The following HIPK4 variants were observed in gnomAD, a reference collection of about 807,000 sequenced individuals.
HIPK4 encodes the protein homeodomain interacting protein kinase 4.
Under a neutral mutation model 44.8 loss-of-function variants are expected in HIPK4, and 26 were observed. The ratio of observed to expected loss-of-function variants is 0.58; its 90% CI spans 0.43 to 0.80. HIPK4 has a LOEUF of 0.80. Ranked by LOEUF, HIPK4 falls within the 30% of genes least tolerant of loss-of-function variation. The pLI, the probability that HIPK4 is intolerant of heterozygous loss-of-function variation, is 0.00. For missense variants in HIPK4, 729 were observed against 862.6 expected (o/e 0.85, Z 1.94); for synonymous variants, 340 against 355.5 (o/e 0.96, Z 0.49).
At chr19:40,382,247 G>C (rs1377505322) in intron 2 of HIPK4, among the ~76,000 whole-genome samples, 3 of 152,038 alleles carry the variant, frequency 2.0e-5, no homozygotes, top group Non-Finnish European at 4.4e-5. Context: ...GGAACTACCG[G>C]TGTGTGCCAC....
At position 40,379,551 on chromosome 19, in the gene HIPK4, C is replaced by T. The variant is rs1057201584; in HGVS notation, c.*36G>A. ...TGGGAGGGAATGCCAGCCCAGCTAG[C>T]GCAGCCCCCAGTGATGGGCAGGGGT... is the stretch of plus-strand genomic sequence containing the variant. On this transcript the variant is annotated 3_prime_UTR_variant, in exon 4 of 4. Coordinates refer to ENST00000291823, the MANE Select transcript of HIPK4 (RefSeq NM_144685.5). 5.4e-6 allele frequency: 8 copies of T among 1,468,678 alleles called. No individual in the cohort carries two copies. Among genetic ancestry groups the T allele is most frequent in the Admixed American group, 2.6e-5 (1 of 38,642 alleles). 91.0% of individuals were successfully genotyped at this position (1,468,678 alleles called of 1,614,324 possible).
At position 40,384,037 on chromosome 19, in the gene HIPK4, GC is replaced by G; in HGVS notation, c.567del (p.Leu190CysfsTer105). 1 of 1,614,008 alleles carries G rather than the reference GC, an allele frequency of 6.2e-7. No individual in the cohort carries two copies. Among genetic ancestry groups the G allele is most frequent in the Non-Finnish European group, 8.5e-7 (1 of 1,179,892 alleles). On this transcript the variant is annotated frameshift_variant, in exon 2 of 4. Coordinates refer to ENST00000291823, the MANE Select transcript of HIPK4 (RefSeq NM_144685.5). LOFTEE classifies it high-confidence loss of function. ...RFYRAPEILL[G>X]LPFCEKVDVW... is the part of the protein sequence containing the mutation. The stretch of plus-strand genomic sequence containing the variant: ...ACGTCCACCTTCTCGCAGAAGGGCA[GC>G]CCCAGCAGGATCTCAGGGGCCCGGT...
chr19:40,380,971 A>T lies in HIPK4; in HGVS notation c.1020T>A (p.Ala340=). 1 of 1,613,016 alleles carries T rather than the reference A, an allele frequency of 6.2e-7. No individual in the cohort carries two copies. Among genetic ancestry groups the T allele is most frequent in the Admixed American group, 1.7e-5 (1 of 60,032 alleles). ...TGGACACGAAGGGGTGGCGCAGGGC[A>T]GCACTGGGGCTGATGCGTTCGTGTG... ...WESHERISPS[A]ALRHPFVSMQ... Residue 340 remains alanine (A), a synonymous_variant, in exon 3 of 4, where the codon GCT becomes GCA. Coordinates refer to ENST00000291823, the MANE Select transcript of HIPK4 (RefSeq NM_144685.5). This position sits in a 1 kb window ranked among gnomAD's most constrained non-coding sequence, Gnocchi z 4.2.
chr19:40,385,683 C>CTTTTTTTTTT (rs142414559), intron 1 of HIPK4, among the ~76,000 whole-genome samples: 517 of 66,960 alleles, frequency 7.7e-3, no homozygotes, highest in Non-Finnish European at 0.011. Flanking sequence ...CTTTTCTTTT[C>CTTTTTTTTTT]TTTTTTTTTT....
intron 1 of HIPK4, among the ~76,000 whole-genome samples, chr19:40,384,612 GT>G (rs71171565): frequency 0.61 from 72,162 of 118,898 alleles, 20,141 homozygotes; most frequent in East Asian, 0.64. Flanking sequence ...GCCTTTGTTG[GT>G]TTTTTTTTTT....
chr19:40,383,958 G>A lies in HIPK4; in HGVS notation c.647C>T (p.Pro216Leu). Residue 216 changes from proline (P) to leucine (L), a missense_variant, in exon 2 of 4, where the codon CCC (proline) becomes CTC (leucine). Physicochemically the swap from Pro to Leu is moderately conservative, Grantham distance 98. Around this residue, in one of 2 missense-constraint regions of HIPK4, gnomAD observed 533 missense variants for 567.5 expected, o/e 0.94. Coordinates refer to ENST00000291823, the MANE Select transcript of HIPK4 (RefSeq NM_144685.5). Reference sequence around the variant, plus strand: ...CACCTGGTCGTACTCGTTGTTGCCGGGGTAGAGAGGCCAGCCCAGGTGCAG... The same window carrying A: ...CACCTGGTCGTACTCGTTGTTGCCGAGGTAGAGAGGCCAGCCCAGGTGCAG... ...AELHLGWPLY[P>L]GNNEYDQVRY... 1 of 1,614,146 alleles carries A rather than the reference G, an allele frequency of 6.2e-7. No homozygotes were observed. The highest frequency in any genetic ancestry group is 1.1e-5 in the South Asian group (1 of 91,082).
intron 1 of HIPK4, among the ~76,000 whole-genome samples, chr19:40,386,735 A>T (rs2079365157): frequency 6.6e-6 from 1 of 152,232 alleles, no homozygotes; most frequent in Non-Finnish European, 1.5e-5. Context: ...CTGTATCCCT[A>T]GATGCCTAGA....
Position 40,380,666 on chromosome 19 carries a change from C to A in HIPK4, c.1325G>T (p.Trp442Leu). The A allele has an allele frequency of 6.2e-7, 1 of 1,614,046 alleles. No homozygotes were observed. The highest frequency in any genetic ancestry group is 1.3e-5 in the African/African-American group (1 of 75,074). Residue 442 changes from tryptophan to leucine, a missense_variant, in exon 3 of 4, where the codon TGG (tryptophan) becomes TTG (leucine). Trp to Leu is a moderately conservative substitution (Grantham distance 61). Coordinates refer to ENST00000291823, the MANE Select transcript of HIPK4 (RefSeq NM_144685.5). The surrounding 1 kb of genome is among the most constrained non-coding windows in gnomAD (Gnocchi z 4.2). ...LSLQEAGHGL[W>L]GETCTNAVSD... Reference sequence around the variant, plus strand: ...GACCGCATTGGTGCAGGTCTCACCCCACAGCCCATGCCCAGCCTCCTGCAG... The same window carrying A: ...GACCGCATTGGTGCAGGTCTCACCCAACAGCCCATGCCCAGCCTCCTGCAG...
rs79984300 is a variant in HIPK4 at position 40,383,085 on chromosome 19, T to C, written c.822+698A>G. Among the ~76,000 whole-genome samples, 953 of 139,026 alleles carry C rather than the reference T, an allele frequency of 6.9e-3. 6 individuals carry two copies. The highest frequency in any genetic ancestry group is 0.013 in the African/African-American group (479 of 37,690). The allele number at this position is 139,026 out of a possible 152,430, so 91.2% of individuals were successfully genotyped here. The stretch of plus-strand genomic sequence containing the variant: ...AAAAATATTTTTCTTTTCTTTCTTT[T>C]TTTTTTTTTTTTTTTGAGACGGAGT... On this transcript the variant is annotated intron_variant, in intron 2 of 3. Coordinates refer to ENST00000291823, the MANE Select transcript of HIPK4 (RefSeq NM_144685.5).
chr19:40,381,784 C>CTTTTTTT (rs55780075), intron 2 of HIPK4, among the ~76,000 whole-genome samples: 21 of 72,326 alleles, frequency 2.9e-4, no homozygotes, highest in Non-Finnish European at 3.4e-4. Flanking sequence ...CACTCAGATC[C>CTTTTTTT]TTTTTTTTTT....
chr19:40,382,773 C>T (rs1231755983), intron 2 of HIPK4, among the ~76,000 whole-genome samples: 3 of 151,772 alleles, frequency 2.0e-5, no homozygotes, highest in South Asian at 2.1e-4. Context: ...TTTGGCCGAG[C>T]GCGGTGGCTC....
In HIPK4 at chr19:40,380,625, G is replaced by A. The variant is rs2079329600; in HGVS notation, c.1366C>T (p.Pro456Ser). ...TGGCCAGTGATGGCTGCCTTGAGGG[G>A]GACCATCATGTCGGAGACCGCATTG... Reference protein sequence around the residue: ...CTNAVSDMMVPLKAAITGHHV... With the variant: ...CTNAVSDMMVSLKAAITGHHV... The change falls in exon 3 of 4, where the codon CCC (proline) becomes TCC (serine). Residue 456 changes from proline to serine, a missense_variant. Physicochemically the swap from Pro to Ser is moderately conservative, Grantham distance 74. Transcript: ENST00000291823. The surrounding 1 kb of genome is among the most constrained non-coding windows in gnomAD (Gnocchi z 4.2). The A allele has an allele frequency of 6.2e-7, 1 of 1,613,638 alleles. No homozygotes were observed. The highest frequency in any genetic ancestry group is 8.5e-7 in the Non-Finnish European group (1 of 1,179,944).
intron 2 of HIPK4, among the ~76,000 whole-genome samples, chr19:40,382,772 G>A (rs1186675945): frequency 6.6e-6 from 1 of 151,634 alleles, no homozygotes; most frequent in East Asian, 1.9e-4. Flanking sequence ...TTTTGGCCGA[G>A]CGCGGTGGCT....
Position 40,383,880 on chromosome 19 carries a change from G to T in HIPK4, c.725C>A (p.Ala242Asp), listed in dbSNP as rs746295654. The stretch of plus-strand genomic sequence containing the variant: ...CTTGAAGAAGTGGTGGGCCTTGCAG[G>T]CGGCGTGCAACAGGTGTGGCTTGGG... ...GLPKPHLLHA[A>D]CKAHHFFKRN... Residue 242 changes from alanine to aspartate, a missense_variant, in exon 2 of 4, where the codon GCC (alanine) becomes GAC (aspartate). By Grantham distance (126) the Ala-to-Asp change is moderately radical. Around this residue, in one of 2 missense-constraint regions of HIPK4, gnomAD observed 533 missense variants for 567.5 expected, o/e 0.94. Coordinates refer to ENST00000291823, the MANE Select transcript of HIPK4 (RefSeq NM_144685.5). 9.9e-6 allele frequency: 16 copies of T among 1,614,076 alleles called. No homozygotes were observed. The highest frequency in any genetic ancestry group is 1.2e-5 in the Non-Finnish European group (14 of 1,180,042).
At chr19:40,384,656 G>C (rs2079355049) in intron 1 of HIPK4, among the ~76,000 whole-genome samples, 1 of 148,966 alleles carries the variant, frequency 6.7e-6, no homozygotes, top group African/African-American at 2.5e-5. Context: ...CTGTCGCCCA[G>C]GCTAAAGTGC....
Position 40,389,504 on chromosome 19 carries a change from G to A in HIPK4, c.399C>T (p.Ile133=). 1 of 1,613,338 alleles carries A rather than the reference G, an allele frequency of 6.2e-7. No individual in the cohort carries two copies. The highest frequency in any genetic ancestry group is 8.5e-7 in the Non-Finnish European group (1 of 1,179,504). ...ALARLKELAI[I]HADLKPENIM... is the part of the protein sequence containing the mutation. ...TGTTCTCAGGCTTGAGATCAGCGTG[G>A]ATGATAGCCAGCTCCTTGAGCCGGG... Residue 133 remains isoleucine, a synonymous_variant, in exon 1 of 4, where the codon ATC becomes ATT. Coordinates refer to ENST00000291823, the MANE Select transcript of HIPK4 (RefSeq NM_144685.5). This position sits in a 1 kb window ranked among gnomAD's most constrained non-coding sequence, Gnocchi z 4.6.
chr19:40,383,064 AT>A (rs2079345070), intron 2 of HIPK4, among the ~76,000 whole-genome samples: 1 of 145,568 alleles, frequency 6.9e-6, no homozygotes, highest in Non-Finnish European at 1.5e-5. Flanking sequence ...AAAGAAAAAA[AT>A]ATTTTTCTTT....
intron 1 of HIPK4, among the ~76,000 whole-genome samples, chr19:40,385,473 C>G (rs2079358309): frequency 6.6e-6 from 1 of 152,180 alleles, no homozygotes; most frequent in Admixed American, 6.5e-5. Flanking sequence ...CTGGAATGCT[C>G]TTCCCTGCAT....
intron 2 of HIPK4, among the ~76,000 whole-genome samples, chr19:40,383,318 G>A (rs971114846): frequency 3.3e-5 from 5 of 151,838 alleles, no homozygotes; most frequent in Admixed American, 6.6e-5. Flanking sequence ...TCCTGACCTC[G>A]TGATCCACCC....
Sources: allele counts gnomAD v4.1 joint callset (sites outside exome capture counted in the v4.1 genomes callset), GRCh38; gene constraint gnomAD v4.1.1; regional missense constraint gnomAD v4.1.1; non-coding constraint Gnocchi (gnomAD v3.1); transcripts MANE v1.5; gene names NCBI Gene and HGNC (gene_info 2026-07-23, HGNC 2026-07-21).